The following MSR1 variants were observed in gnomAD, a reference collection of about 807,000 sequenced individuals.
The protein encoded by MSR1 is macrophage scavenger receptor types I and II.
Under a neutral mutation model 47.2 loss-of-function variants are expected in MSR1, and 53 were observed. That is an observed-to-expected ratio of 1.12 (90% CI 0.90 to 1.41). The LOEUF is 1.41. MSR1 is among the 40% of genes most tolerant of loss of function. MSR1 has a pLI of 0.00. For missense variants in MSR1, 786 were observed against 546.9 expected (o/e 1.44, Z -4.36); for synonymous variants, 239 against 185.6 (o/e 1.29, Z -2.34).
Position 16,109,180 on chromosome 8 carries a change from C to CCG in MSR1, c.*904_*905insCG, listed in dbSNP as rs1799701826. 1 of 131,220 alleles carries CCG rather than the reference C, an allele frequency of 7.6e-6. No individual in the cohort carries two copies. The highest frequency in any genetic ancestry group is 3.1e-5 in the African/African-American group (1 of 32,228). 8.1% of individuals were successfully genotyped at this position (131,220 alleles called of 1,614,324 possible). ...GACTAAAGACGCACCCCCCACCCCC[C>CCG]CCCCCGCCCTTTGGTTGTAAATGTT... On this transcript the variant is annotated 3_prime_UTR_variant, in exon 10 of 10. Transcript: ENST00000262101.
chr8:16,124,077 G>A (rs897006670), intron 8 of MSR1, among the ~76,000 whole-genome samples: 1 of 152,036 alleles, frequency 6.6e-6, no homozygotes, highest in African/African-American at 2.4e-5. Context: ...CACCTAACTT[G>A]ATATTTTACA....
chr8:16,144,529 T>C (rs1282592348), intron 7 of MSR1, among the ~76,000 whole-genome samples: 1 of 152,142 alleles, frequency 6.6e-6, no homozygotes, highest in Admixed American at 6.6e-5. Context: ...TCAGAGGATG[T>C]AGTTTAACAA....
At chr8:16,184,371 T>C (rs544033653) in intron 1 of MSR1, among the ~76,000 whole-genome samples, 3 of 152,132 alleles carry the variant, frequency 2.0e-5, no homozygotes, top group Non-Finnish European at 4.4e-5. Context: ...TTCAATTTTC[T>C]TGAGTACCTT....
At chr8:16,170,354 A>AC (rs1801447425) in intron 3 of MSR1, among the ~76,000 whole-genome samples, 1 of 152,072 alleles carries the variant, frequency 6.6e-6, no homozygotes, top group Non-Finnish European at 1.5e-5. Context: ...TCTCAAAAAA[A>AC]AAAAAACAAA....
At chr8:16,125,105 C>A (rs958633500) in intron 8 of MSR1, among the ~76,000 whole-genome samples, 3 of 152,112 alleles carry the variant, frequency 2.0e-5, no homozygotes, top group African/African-American at 7.2e-5. Context: ...AGGCTCTGAT[C>A]AGAGAAGCCT....
chr8:16,115,812 T>C (rs1035413554), intron 9 of MSR1, among the ~76,000 whole-genome samples: 2 of 151,834 alleles, frequency 1.3e-5, no homozygotes, highest in Admixed American at 6.6e-5. Flanking sequence ...AACCTGTCTC[T>C]ATAAGAAATT....
chr8:16,175,539 C>A (rs2117202957), intron 2 of MSR1, among the ~76,000 whole-genome samples: 1 of 152,326 alleles, frequency 6.6e-6, no homozygotes, highest in Non-Finnish European at 1.5e-5. Flanking sequence ...AAGAAAGTTA[C>A]TGTGCTCTAC....
chr8:16,116,518 G>C (rs778207743), intron 9 of MSR1, among the ~76,000 whole-genome samples: 1 of 152,070 alleles, frequency 6.6e-6, no homozygotes, highest in Non-Finnish European at 1.5e-5. Context: ...GAAAACTTGA[G>C]AGACTTATCT....
At position 16,121,692 on chromosome 8, in the gene MSR1, C is replaced by T. The variant is rs12114258; in HGVS notation, c.1034-1086G>A. The stretch of plus-strand genomic sequence containing the variant: ...ATAAAAACTAATAAATGTAATTCTA[C>T]GTAAACAAAAGATAGCTTTTCAAAT... On this transcript the variant is annotated intron_variant, in intron 8 of 9. Coordinates refer to ENST00000262101, the MANE Select transcript of MSR1 (RefSeq NM_138715.3). Among the ~76,000 whole-genome samples the T allele has an allele frequency of 6.6e-5, 10 of 151,432 alleles. No homozygotes were observed. In the East Asian group the frequency reaches 7.7e-4, roughly 12 times the overall value.
chr8:16,112,423 T>A (rs191786110), intron 9 of MSR1, among the ~76,000 whole-genome samples: 12 of 152,248 alleles, frequency 7.9e-5, no homozygotes, highest in Admixed American at 7.2e-4. Context: ...CACTTAAAGC[T>A]TAGTGATATT....
Position 16,109,975 on chromosome 8 carries a change from G to T in MSR1, c.*110C>A. On this transcript the variant is annotated 3_prime_UTR_variant, in exon 10 of 10. Transcript: ENST00000262101. ...AATCCTGTAATCTAAAATATTATTT[G>T]GGCAATATTCTTAATCTCTTAAATA... The T allele has an allele frequency of 1.6e-6, 2 of 1,261,488 alleles. No individual in the cohort carries two copies. The highest frequency in any genetic ancestry group is 2.4e-5 in the East Asian group (1 of 40,920). The allele number at this position is 1,261,488 out of a possible 1,614,324, so 78.1% of individuals were successfully genotyped here.
chr8:16,137,869 A>C (rs1053087490), intron 8 of MSR1, among the ~76,000 whole-genome samples: 1 of 152,052 alleles, frequency 6.6e-6, no homozygotes, highest in East Asian at 1.9e-4. Context: ...GTGTGTGCCT[A>C]AAGTCCTAGC....
intron 8 of MSR1, among the ~76,000 whole-genome samples, chr8:16,134,216 T>C (rs1228556364): frequency 6.6e-6 from 1 of 152,204 alleles, no homozygotes; most frequent in Non-Finnish European, 1.5e-5. Context: ...GCAATATTTA[T>C]GTGGCTCTGA....
rs1396619971 is a variant in MSR1, at chr8:16,108,293, T to A, written c.*1792A>T. ...ATAGTAATAGTAATAGTACTATTAT[T>A]AGTGTTAATAATACTAATAGTTAAT... On this transcript the variant is annotated 3_prime_UTR_variant, in exon 10 of 10. Transcript: ENST00000262101. The A allele has an allele frequency of 6.6e-6, 1 of 151,168 alleles. No homozygotes were observed. The highest frequency in any genetic ancestry group is 2.1e-4 in the South Asian group (1 of 4,804). 9.4% of individuals were successfully genotyped at this position (151,168 alleles called of 1,614,324 possible).
rs1181377805 is a variant in MSR1, at chr8:16,110,141, A to C, written c.1300T>G (p.Trp434Gly). The change falls in exon 10 of 10, where the codon TGG becomes GGG. Residue 434 changes from tryptophan to glycine, a missense_variant. Transcript: ENST00000262101. ...GAATGTGAACAGGCTCTTGTCCCCC[A>C]TTGCCGAATTTTACATTCTTCAATA... The part of the protein sequence containing the change: ...SSIEECKIRQ[W>G]GTRACSHSED... 6.2e-7 allele frequency: 1 copy of C among 1,613,732 alleles called. No individual in the cohort carries two copies. Among genetic ancestry groups the C allele is most frequent in the Non-Finnish European group, 8.5e-7 (1 of 1,179,740 alleles).
At chr8:16,186,218 TTTTA>T (rs1801994829) in intron 1 of MSR1, 1 of 1,534,452 alleles carries the variant, frequency 6.5e-7, no homozygotes, top group Non-Finnish European at 8.7e-7. Context: ...TCCAGGGGAG[TTTTA>T]TTTATTTCTG....
chr8:16,178,101 T>TCC lies in MSR1; in HGVS notation c.-4-110_-4-109insGG, dbSNP rs1801710395. ...GTTTGAAATGGAATCTATTCAGTTT[T>TCC]TCTTTTTTTTTTTTAATTATACTTT... On this transcript the variant is annotated intron_variant, in intron 1 of 9. Transcript: ENST00000262101. The TCC allele has an allele frequency of 4.7e-6, 4 of 847,178 alleles. No homozygotes were observed. In the Admixed American group the frequency reaches 7.6e-5, roughly 16 times the overall value. The allele number at this position is 847,178 out of a possible 1,614,324, so 52.5% of individuals were successfully genotyped here.
intron 8 of MSR1, chr8:16,141,124 T>A: frequency 6.6e-7 from 1 of 1,509,626 alleles, no homozygotes; most frequent in Non-Finnish European, 9.1e-7. Context: ...AAGATGCATA[T>A]GAAAACATTC....
intron 8 of MSR1, chr8:16,140,719 C>G: frequency 7.2e-7 from 1 of 1,381,774 alleles, no homozygotes; most frequent in East Asian, 2.7e-5. Flanking sequence ...GAGCAGCCCT[C>G]CAGTCCGTGC....
Sources: gnomAD v4.1 joint callset for allele counts (sites outside exome capture counted in the v4.1 genomes callset) on GRCh38, gnomAD v4.1.1 for gene constraint, MANE v1.5 for transcripts, NCBI Gene and HGNC (gene_info 2026-07-23, HGNC 2026-07-21) for gene names.